Variants in SEC22C observed in about 807,000 individuals in gnomAD.
SEC22C encodes SEC22 homolog C, vesicle trafficking protein.
In SEC22C, 29 loss-of-function variants were observed where a neutral mutation model predicts 34.7. The observed-to-expected ratio is 0.84, with a 90% confidence interval of 0.62 to 1.14. The LOEUF (loss-of-function observed/expected upper bound fraction) is 1.14, where lower values mean the gene tolerates loss of function less well. SEC22C is among the 50% of genes most tolerant of loss of function. The pLI, the probability that SEC22C is intolerant of heterozygous loss-of-function variation, is 0.00. For missense variants in SEC22C, 337 were observed against 369.0 expected, an observed-to-expected ratio of 0.91 and a Z score of 0.71; for synonymous variants, 117 against 132.8, an observed-to-expected ratio of 0.88 and a Z score of 0.82.
In SEC22C at chr3:42,552,624, A is replaced by G. The variant is rs1702304729; in HGVS notation, c.*624T>C. On this transcript the variant is annotated 3_prime_UTR_variant, in exon 7 of 7. Coordinates refer to ENST00000264454, the MANE Select transcript of SEC22C (RefSeq NM_032970.4). ...TAAATTAAATAAACTCAGATTTCTT[A>G]ACCATTTTCTCAGCTTAAGTTTGCC... The G allele has an allele frequency of 1.0e-6, 1 of 984,024 alleles. No individual in the cohort carries two copies. The highest frequency in any genetic ancestry group is 1.7e-5 in the African/African-American group (1 of 57,218). The allele number at this position is 984,024 out of a possible 1,614,324, so 61.0% of individuals were successfully genotyped here.
upstream of SEC22C, among the ~76,000 whole-genome samples, chr3:42,585,330 A>C (rs1335266178): frequency 1.3e-5 from 2 of 152,164 alleles, no homozygotes; most frequent in Non-Finnish European, 2.9e-5. Flanking sequence ...ATCATTGTTC[A>C]CTTTGGCTCC....
chr3:42,573,991 T>G (rs988857228), intron 1 of SEC22C, among the ~76,000 whole-genome samples: 5 of 151,970 alleles, frequency 3.3e-5, no homozygotes, highest in African/African-American at 2.4e-5. Context: ...AGCCCAGAGA[T>G]TCAAAGAAAC....
At chr3:42,594,024 T>C (rs879093002) in intron 1 of SEC22C, among the ~76,000 whole-genome samples, 2 of 151,692 alleles carry the variant, frequency 1.3e-5, no homozygotes, top group Admixed American at 1.3e-4. Flanking sequence ...TGTAGGGCCT[T>C]ATTAGGACAC....
At chr3:42,556,029 T>C (rs765879719) in intron 5 of SEC22C, 34 bp from the exon 6 acceptor site, 2 of 1,532,440 alleles carry the variant, frequency 1.3e-6, no homozygotes, top group East Asian at 2.3e-5. Context: ...AGGAAAGGGA[T>C]ATTTAGATGA....
At position 42,549,283 on chromosome 3, in the gene SEC22C, C is replaced by T; in HGVS notation, c.*3965G>A. On this transcript the variant is annotated 3_prime_UTR_variant, in exon 7 of 7. Coordinates refer to ENST00000264454, the MANE Select transcript of SEC22C (RefSeq NM_032970.4). The stretch of plus-strand genomic sequence containing the variant: ...ATGCTCCCACCCCTGCCTGTCCTCA[C>T]TTGTGCTGCACTATGCAAGCAAGCA... The T allele has an allele frequency of 2.0e-6, 2 of 986,284 alleles. No individual in the cohort carries two copies. The highest frequency in any genetic ancestry group is 2.4e-6 in the Non-Finnish European group (2 of 830,510). 61.1% of individuals were successfully genotyped at this position (986,284 alleles called of 1,614,324 possible).
At chr3:42,590,482 A>C (rs954221700) in intron 1 of SEC22C, among the ~76,000 whole-genome samples, 1 of 151,720 alleles carries the variant, frequency 6.6e-6, no homozygotes, top group Non-Finnish European at 1.5e-5. Context: ...AAAAAATTAG[A>C]CGGGCGTGGT....
intron 3 of SEC22C, among the ~76,000 whole-genome samples, chr3:42,563,223 C>T (rs1315183987): frequency 6.6e-6 from 1 of 152,214 alleles, no homozygotes; most frequent in African/African-American, 2.4e-5. Flanking sequence ...AGGCGGCTGG[C>T]CTATGGGCCA....
At chr3:42,590,873 G>T in intron 1 of SEC22C, 1 of 1,613,690 alleles carries the variant, frequency 6.2e-7, no homozygotes, top group East Asian at 2.2e-5. Context: ...TTGCTTGGCG[G>T]TCGTGGTTCC....
At chr3:42,600,090 CTG>C (rs1458325614) in intron 1 of SEC22C, among the ~76,000 whole-genome samples, 3 of 152,168 alleles carry the variant, frequency 2.0e-5, no homozygotes, top group African/African-American at 4.8e-5. Context: ...GTATCCAGAA[CTG>C]TTAAACACGA....
At chr3:42,574,602 CAT>C (rs1437014678) in intron 1 of SEC22C, among the ~76,000 whole-genome samples, 1 of 152,034 alleles carries the variant, frequency 6.6e-6, no homozygotes, top group Non-Finnish European at 1.5e-5. Context: ...AATTATGTCT[CAT>C]GTGGTTCTCA....
At chr3:42,555,442 G>C (rs951126026) in intron 6 of SEC22C, among the ~76,000 whole-genome samples, 23 of 152,126 alleles carry the variant, frequency 1.5e-4, no homozygotes, top group African/African-American at 5.3e-4. Context: ...CTCCCACCTT[G>C]GCCTTGAAAA....
chr3:42,556,550 G>T lies in SEC22C; in HGVS notation c.646-555C>A, dbSNP rs574044831. 3.3e-5 allele frequency among the ~76,000 whole-genome samples: 5 copies of T among 152,236 alleles called. No individual in the cohort carries two copies. The East Asian group carries it at 9.7e-4, about 29-fold the overall frequency. On this transcript the variant is annotated intron_variant, in intron 5 of 6. Coordinates refer to ENST00000264454, the MANE Select transcript of SEC22C (RefSeq NM_032970.4). Reference sequence around the variant, plus strand: ...ACAGGCAGTTACCACTCATAACACAGGCCTGCTGCCATTCTCCAAACAGGT... The same window carrying T: ...ACAGGCAGTTACCACTCATAACACATGCCTGCTGCCATTCTCCAAACAGGT...
intron 6 of SEC22C, among the ~76,000 whole-genome samples, chr3:42,555,440 T>C (rs1362205576): frequency 6.6e-6 from 1 of 152,222 alleles, no homozygotes; most frequent in Non-Finnish European, 1.5e-5. Flanking sequence ...TCCTCCCACC[T>C]TGGCCTTGAA....
intron 1 of SEC22C, among the ~76,000 whole-genome samples, chr3:42,570,066 C>T (rs1166842727): frequency 6.6e-6 from 1 of 152,204 alleles, no homozygotes; most frequent in African/African-American, 2.4e-5. Flanking sequence ...GGATCCTCTA[C>T]TATCAGGCCC....
intron 1 of SEC22C, among the ~76,000 whole-genome samples, chr3:42,575,825 A>T (rs1471629828): frequency 6.6e-6 from 1 of 152,196 alleles, no homozygotes; most frequent in Non-Finnish European, 1.5e-5. Context: ...ATTCCTTTGA[A>T]GACCCCACAG....
chr3:42,593,534 G>A (rs1002280057), intron 1 of SEC22C, among the ~76,000 whole-genome samples: 1 of 152,116 alleles, frequency 6.6e-6, no homozygotes, highest in Non-Finnish European at 1.5e-5. Flanking sequence ...TGATATCTAA[G>A]GGGAGGAGGG....
At chr3:42,586,530 G>T (rs1217938781), upstream of SEC22C, among the ~76,000 whole-genome samples, 8 of 149,324 alleles carry the variant, frequency 5.4e-5, no homozygotes, top group Non-Finnish European at 1.2e-4. Flanking sequence ...CCCCTTCCTT[G>T]ACCTTTCAAC....
At chr3:42,596,469 G>A (rs967377714) in intron 1 of SEC22C, among the ~76,000 whole-genome samples, 4 of 152,258 alleles carry the variant, frequency 2.6e-5, no homozygotes, top group East Asian at 1.9e-4. Flanking sequence ...CTGAAAATTC[G>A]TACTACCAGT....
intron 1 of SEC22C, chr3:42,580,466 T>C (rs889085569): frequency 6.6e-6 from 1 of 152,194 alleles, no homozygotes; most frequent in Admixed American, 6.5e-5. Context: ...ACTTGAGAAC[T>C]GGTTACCAAA....
Sources: allele counts gnomAD v4.1 joint callset (sites outside exome capture counted in the v4.1 genomes callset), GRCh38; gene constraint gnomAD v4.1.1; transcripts MANE v1.5; gene names NCBI Gene and HGNC (gene_info 2026-07-23, HGNC 2026-07-21).